DYTN: variants seen among roughly 807,000 people sequenced by gnomAD.
DYTN encodes the protein dystrotelin.
Under a neutral mutation model 69.6 loss-of-function variants are expected in DYTN, and 75 were observed. The observed-to-expected ratio is 1.08, with a 90% confidence interval of 0.89 to 1.31. The LOEUF is 1.31. Ranked by LOEUF, DYTN falls within the 50% of genes most tolerant of loss-of-function variation. DYTN has a pLI of 0.00. For missense variants in DYTN, 726 were observed against 688.4 expected, an observed-to-expected ratio of 1.05 and a Z score of -0.61; for synonymous variants, 252 against 249.1, an observed-to-expected ratio of 1.01 and a Z score of -0.11.
intron 1 of DYTN, 64 bp from the exon 2 acceptor site, chr2:206,710,662 G>T: frequency 1.5e-6 from 2 of 1,294,860 alleles, no homozygotes; most frequent in Non-Finnish European, 2.1e-6. Flanking sequence ...CCACATCATG[G>T]AAGGAAATCC....
At chr2:206,715,068 G>A (rs1299618825) in intron 1 of DYTN, among the ~76,000 whole-genome samples, 1 of 152,122 alleles carries the variant, frequency 6.6e-6, no homozygotes, top group African/African-American at 2.4e-5. Flanking sequence ...ACACAGACTG[G>A]GCAAAGGCAT....
chr2:206,687,011 A>T, intron 9 of DYTN: 1 of 158,214 alleles, frequency 6.3e-6, no homozygotes, highest in East Asian at 1.7e-4. Context: ...AGACTGCCTC[A>T]TGTCACAGCG....
At position 206,673,774 on chromosome 2, in the gene DYTN, G is replaced by A. The variant is rs16838478; in HGVS notation, c.981-7745C>T. Among the ~76,000 whole-genome samples, 274 of 152,260 alleles carry A rather than the reference G, an allele frequency of 1.8e-3. 8 individuals carry two copies. In the East Asian group the frequency reaches 0.046, roughly 26 times the overall value. Reference sequence around the variant, plus strand: ...AAGCTGAACTTTGTCCGCTAACGTGGTAAACAACACAGTTCATTGGTTGCA... The same window carrying A: ...AAGCTGAACTTTGTCCGCTAACGTGATAAACAACACAGTTCATTGGTTGCA... On this transcript the variant is annotated intron_variant, in intron 9 of 11. Coordinates refer to ENST00000452335, the MANE Select transcript of DYTN (RefSeq NM_001093730.1).
At chr2:206,710,157 TAAATC>T (rs1385750101) in intron 2 of DYTN, among the ~76,000 whole-genome samples, 1 of 152,242 alleles carries the variant, frequency 6.6e-6, no homozygotes, top group East Asian at 1.9e-4. Flanking sequence ...TTTTTATACT[TAAATC>T]TATAAGTGCA....
In DYTN at chr2:206,685,265, G is replaced by A. The variant is rs574225969; in HGVS notation, c.980+7910C>T. ...TAGCCTCGACCTACCAGGCTCAAGC[G>A]ATCCTCCCATCTCAGCCACCTGAAT... On this transcript the variant is annotated intron_variant, in intron 9 of 11. Transcript: ENST00000452335. Among the ~76,000 whole-genome samples, 441 of 152,054 alleles carry A rather than the reference G, an allele frequency of 2.9e-3. 2 individuals are homozygous for A. The highest frequency in any genetic ancestry group is 3.1e-3 in the Non-Finnish European group (211 of 67,996).
At chr2:206,663,827 G>A (rs569600509) in intron 10 of DYTN, among the ~76,000 whole-genome samples, 1 of 152,166 alleles carries the variant, frequency 6.6e-6, no homozygotes, top group Non-Finnish European at 1.5e-5. Context: ...GATGTGCTCC[G>A]CTTGAAGCAC....
chr2:206,652,004 G>T, intron 11 of DYTN, 83 bp from the exon 12 acceptor site: 1 of 1,250,462 alleles, frequency 8.0e-7, no homozygotes, highest in Non-Finnish European at 1.1e-6. Context: ...CTCACATGGA[G>T]AAGAAACAGA....
In DYTN at chr2:206,694,855, T is replaced by TG; in HGVS notation, c.741dup (p.Asn248GlnfsTer3). On this transcript the variant is annotated frameshift_variant, in exon 8 of 12. Coordinates refer to ENST00000452335, the MANE Select transcript of DYTN (RefSeq NM_001093730.1). LOFTEE classifies it high-confidence loss of function. ...AAACACATCTGGCAGATGTCAAAGTTGAGACACTTCAGACAGCGGTATCTG... is the reference window on the plus strand; with the variant it reads ...AAACACATCTGGCAGATGTCAAAGTTGGAGACACTTCAGACAGCGGTATCTG... 3.7e-6 allele frequency: 6 copies of TG among 1,607,218 alleles called. No individual in the cohort carries two copies. Among genetic ancestry groups the TG allele is most frequent in the Non-Finnish European group, 5.1e-6 (6 of 1,177,846 alleles).
chr2:206,702,921 G>A (rs1699988933), intron 5 of DYTN, among the ~76,000 whole-genome samples: 1 of 152,140 alleles, frequency 6.6e-6, no homozygotes, highest in Non-Finnish European at 1.5e-5. Context: ...GGCACAGGCA[G>A]ACACCACTTG....
intron 11 of DYTN, among the ~76,000 whole-genome samples, chr2:206,654,541 C>T (rs1220560148): frequency 6.6e-6 from 1 of 152,136 alleles, no homozygotes; most frequent in Non-Finnish European, 1.5e-5. Flanking sequence ...GGTAAGGCTT[C>T]TGTTCAACAG....
At chr2:206,702,538 C>T (rs1699985965) in intron 5 of DYTN, among the ~76,000 whole-genome samples, 1 of 152,220 alleles carries the variant, frequency 6.6e-6, no homozygotes, top group Non-Finnish European at 1.5e-5. Flanking sequence ...AGTAACTACT[C>T]CCTATGTTAT....
chr2:206,670,715 C>T (rs1007231345), intron 9 of DYTN, among the ~76,000 whole-genome samples: 1 of 152,084 alleles, frequency 6.6e-6, no homozygotes, highest in African/African-American at 2.4e-5. Context: ...TGTATGATGA[C>T]GCAGATGTTT....
intron 11 of DYTN, among the ~76,000 whole-genome samples, chr2:206,659,241 A>G (rs557838939): frequency 3.8e-5 from 5 of 130,526 alleles, no homozygotes; most frequent in Admixed American, 9.5e-5. Context: ...GCGCGATCTC[A>G]GCTCACTGCA....
intron 4 of DYTN, among the ~76,000 whole-genome samples, chr2:206,705,565 T>A (rs1287738052): frequency 6.6e-6 from 1 of 152,182 alleles, no homozygotes; most frequent in African/African-American, 2.4e-5. Flanking sequence ...GTCTAGGTAA[T>A]CCCTAAACAA....
chr2:206,651,828 T>C lies in DYTN; in HGVS notation c.1727A>G (p.Asn576Ser), dbSNP rs754242640. The C allele has an allele frequency of 1.5e-5, 24 of 1,613,450 alleles. No homozygotes were observed. The highest frequency in any genetic ancestry group is 1.5e-4 in the African/African-American group (11 of 74,908). ...SALVDQIALPNLK is the reference protein window; with the variant it reads ...SALVDQIALPSLK ...AGCCTGGACTCCATTTCACTTCAAA[T>C]TGGGCAAGGCAATTTGATCAACAAG... is the stretch of plus-strand genomic sequence containing the variant. Residue 576 changes from asparagine (N) to serine (S), a missense_variant, in exon 12 of 12, where the codon AAT (asparagine) becomes AGT (serine). By Grantham distance (46) the Asn-to-Ser change is conservative. Coordinates refer to ENST00000452335, the MANE Select transcript of DYTN (RefSeq NM_001093730.1).
intron 9 of DYTN, among the ~76,000 whole-genome samples, chr2:206,666,894 C>A (rs555830662): frequency 2.7e-4 from 40 of 147,334 alleles, no homozygotes; most frequent in Non-Finnish European, 4.8e-4. Flanking sequence ...CACACACACA[C>A]ACAAATTAGC....
intron 2 of DYTN, among the ~76,000 whole-genome samples, chr2:206,708,688 A>G (rs1385680514): frequency 1.3e-5 from 2 of 152,228 alleles, no homozygotes. Context: ...TCTCACCACA[A>G]GATTTATACA....
At chr2:206,718,181 T>G in intron 1 of DYTN, 80 bp downstream of exon 1, 1 of 1,437,572 alleles carries the variant, frequency 7.0e-7, no homozygotes, top group East Asian at 2.5e-5. Context: ...CTTCTTCAAA[T>G]CAGAGGTCTG....
intron 11 of DYTN, among the ~76,000 whole-genome samples, chr2:206,659,486 A>AAG (rs1284795339): frequency 1.1e-3 from 84 of 74,360 alleles, no homozygotes; most frequent in Admixed American, 1.6e-3. Flanking sequence ...ACAATTCTCA[A>AAG]AAAAAAAAAA....
Sources: allele counts gnomAD v4.1 joint callset (sites outside exome capture counted in the v4.1 genomes callset), GRCh38; gene constraint gnomAD v4.1.1; transcripts MANE v1.5; gene names NCBI Gene and HGNC (gene_info 2026-07-23, HGNC 2026-07-21).